Variants in SHISA6 observed in about 807,000 individuals in gnomAD.
The protein encoded by SHISA6 is shisa family member 6.
In SHISA6, 22 loss-of-function variants were observed where a neutral mutation model predicts 47.9. The observed-to-expected ratio is 0.46, with a 90% confidence interval of 0.33 to 0.66. The LOEUF is 0.66. Ranked by LOEUF, SHISA6 falls within the 30% of genes least tolerant of loss-of-function variation. The pLI, the probability that SHISA6 is intolerant of heterozygous loss-of-function variation, is 0.02. For missense variants in SHISA6, 680 were observed against 764.6 expected, an observed-to-expected ratio of 0.89 and a Z score of 1.30; for synonymous variants, 388 against 337.8, an observed-to-expected ratio of 1.15 and a Z score of -1.63.
At chr17:11,279,520 C>T (rs4791459) in intron 2 of SHISA6, among the ~76,000 whole-genome samples, 70,575 of 151,750 alleles carry the variant, frequency 0.47, 16,809 homozygotes, top group Non-Finnish European at 0.52. Flanking sequence ...TCTGCAATGC[C>T]CTGTGGTCCA....
At chr17:11,543,044 A>C (rs1022766535) in intron 3 of SHISA6, among the ~76,000 whole-genome samples, 5 of 152,216 alleles carry the variant, frequency 3.3e-5, no homozygotes, top group African/African-American at 7.2e-5. Context: ...TAGAAGAAAC[A>C]GTTCCACTGG....
intron 2 of SHISA6, among the ~76,000 whole-genome samples, chr17:11,307,788 C>T (rs1910177044): frequency 6.6e-6 from 1 of 152,036 alleles, no homozygotes; most frequent in Non-Finnish European, 1.5e-5. Flanking sequence ...ATGGTACATG[C>T]TATGGAGAAA....
chr17:11,361,470 A>G (rs1912283946), intron 2 of SHISA6, among the ~76,000 whole-genome samples: 2 of 152,206 alleles, frequency 1.3e-5, no homozygotes, highest in African/African-American at 4.8e-5. Context: ...CCAGCTCCCT[A>G]CTGAGTGAGT....
At chr17:11,305,288 T>G (rs2142181034) in intron 2 of SHISA6, among the ~76,000 whole-genome samples, 1 of 152,328 alleles carries the variant, frequency 6.6e-6, no homozygotes, top group Middle Eastern at 3.4e-3. Context: ...TTCATGGATC[T>G]TTGTACAACC....
At chr17:11,262,934 C>A (rs148498904) in intron 1 of SHISA6, among the ~76,000 whole-genome samples, 199 of 152,256 alleles carry the variant, frequency 1.3e-3, no homozygotes, top group African/African-American at 4.6e-3. Context: ...GTACATGATA[C>A]TCAGTGTGTA....
At chr17:11,373,806 G>A (rs1912702752) in intron 2 of SHISA6, among the ~76,000 whole-genome samples, 1 of 152,126 alleles carries the variant, frequency 6.6e-6, no homozygotes, top group Admixed American at 6.5e-5. Flanking sequence ...CTTTTCTCTG[G>A]CTGGGAAGAT....
chr17:11,258,474 A>T (rs1908098518), intron 1 of SHISA6, among the ~76,000 whole-genome samples: 2 of 152,236 alleles, frequency 1.3e-5, no homozygotes, highest in Admixed American at 1.3e-4. Context: ...TTTGGGGGGA[A>T]CTAAGTTTGA....
chr17:11,473,500 A>G (rs1254870122), intron 3 of SHISA6, among the ~76,000 whole-genome samples: 7 of 152,162 alleles, frequency 4.6e-5, no homozygotes, highest in African/African-American at 1.4e-4. Flanking sequence ...AGAGGGTAAG[A>G]GAGGGCAAGA....
intron 3 of SHISA6, among the ~76,000 whole-genome samples, chr17:11,434,064 C>CT (rs1367652038): frequency 0.054 from 7,516 of 138,018 alleles, 327 homozygotes; most frequent in African/African-American, 0.1. Context: ...TTTTTTCTCT[C>CT]TTTTTTTTTT....
At chr17:11,377,587 A>G (rs1222392364) in intron 2 of SHISA6, among the ~76,000 whole-genome samples, 2 of 152,164 alleles carry the variant, frequency 1.3e-5, no homozygotes, top group Admixed American at 1.3e-4. Context: ...GGCTATGCTG[A>G]GGCACTCTCA....
At chr17:11,253,431 C>T (rs948758030) in intron 1 of SHISA6, among the ~76,000 whole-genome samples, 9 of 152,018 alleles carry the variant, frequency 5.9e-5, no homozygotes, top group South Asian at 2.1e-4. Context: ...TGTTTACAGG[C>T]GGGCTCTTAG....
intron 3 of SHISA6, among the ~76,000 whole-genome samples, chr17:11,495,014 C>T (rs1237313769): frequency 6.6e-6 from 1 of 152,174 alleles, no homozygotes; most frequent in Admixed American, 6.5e-5. Flanking sequence ...GCTACATCCG[C>T]CCAGTCATGT....
chr17:11,274,804 G>A (rs1212437716), intron 2 of SHISA6, among the ~76,000 whole-genome samples: 2 of 152,190 alleles, frequency 1.3e-5, no homozygotes, highest in Non-Finnish European at 2.9e-5. Flanking sequence ...TGACTCTACA[G>A]GTGCCCCTCC....
intron 2 of SHISA6, among the ~76,000 whole-genome samples, chr17:11,360,036 A>G (rs1274011097): frequency 6.6e-6 from 1 of 152,206 alleles, no homozygotes; most frequent in Non-Finnish European, 1.5e-5. Flanking sequence ...TTGCAGCACA[A>G]TTTACCATAG....
At chr17:11,395,758 T>C (rs1012334817) in intron 3 of SHISA6, among the ~76,000 whole-genome samples, 1 of 152,198 alleles carries the variant, frequency 6.6e-6, no homozygotes, top group Non-Finnish European at 1.5e-5. Flanking sequence ...TCTCAAGTGA[T>C]CTACCAGCCT....
At chr17:11,264,565 A>G (rs547436344) in intron 2 of SHISA6, among the ~76,000 whole-genome samples, 83 of 152,334 alleles carry the variant, frequency 5.4e-4, no homozygotes, top group African/African-American at 1.9e-3. Context: ...TACTGGTACT[A>G]ATCCTAGTCC....
intron 3 of SHISA6, among the ~76,000 whole-genome samples, chr17:11,445,718 A>G (rs914809783): frequency 2.0e-5 from 3 of 152,234 alleles, no homozygotes; most frequent in African/African-American, 7.2e-5. Context: ...GGGAGGTAAT[A>G]ACTACAAACA....
intron 2 of SHISA6, among the ~76,000 whole-genome samples, chr17:11,328,831 A>G (rs1343841717): frequency 6.6e-6 from 1 of 152,158 alleles, no homozygotes; most frequent in Non-Finnish European, 1.5e-5. Flanking sequence ...TGCCCCTTAG[A>G]TGGAGTCATC....
chr17:11,357,153 A>T (rs1433712474), intron 2 of SHISA6, among the ~76,000 whole-genome samples: 1 of 135,952 alleles, frequency 7.4e-6, no homozygotes, highest in Non-Finnish European at 1.5e-5. Flanking sequence ...CCGCCACTGC[A>T]CTCCAGCCTG....
Sources: gnomAD v4.1 joint callset for allele counts (sites outside exome capture counted in the v4.1 genomes callset) on GRCh38, gnomAD v4.1.1 for gene constraint, MANE v1.5 for transcripts, NCBI Gene and HGNC (gene_info 2026-07-23, HGNC 2026-07-21) for gene names.